Variants in CDIN1 observed in about 807,000 individuals in gnomAD.
CDIN1 encodes the protein CDAN1 interacting nuclease 1, also known as CDAN1-interacting nuclease 1.
Under a neutral mutation model 45.3 loss-of-function variants are expected in CDIN1, and 33 were observed. That is an observed-to-expected ratio of 0.73 (90% CI 0.55 to 0.97). CDIN1 has a LOEUF of 0.97. Among genes scored for constraint, CDIN1 ranks in the 50% least tolerant of loss-of-function variants. The pLI is 0.00. For synonymous variants in CDIN1, 118 were observed against 124.4 expected, an observed-to-expected ratio of 0.95 and a Z score of 0.34; for missense variants, 303 against 339.4, an observed-to-expected ratio of 0.89 and a Z score of 0.84.
At chr15:36,651,382 A>G (rs1204945365) in intron 3 of CDIN1, among the ~76,000 whole-genome samples, 1 of 152,184 alleles carries the variant, frequency 6.6e-6, no homozygotes, top group African/African-American at 2.4e-5. Context: ...GGATGCAGAG[A>G]AAGGTACCAT....
intron 5 of CDIN1, 68 bp from the exon 6 acceptor site, chr15:36,691,617 G>A (rs935952952): frequency 5.1e-6 from 5 of 981,302 alleles, no homozygotes; most frequent in Non-Finnish European, 7.8e-6. Flanking sequence ...GTAGATATAT[G>A]TCACTCCTCA....
At chr15:36,692,327 A>G (rs1408840785) in intron 7 of CDIN1, among the ~76,000 whole-genome samples, 152 bp downstream of exon 7, 2 of 152,168 alleles carry the variant, frequency 1.3e-5, no homozygotes, top group African/African-American at 2.4e-5. Flanking sequence ...GTCACTACAG[A>G]CCATTCTTTT....
At chr15:36,602,127 C>T (rs1409178984) in intron 1 of CDIN1, among the ~76,000 whole-genome samples, 1 of 152,148 alleles carries the variant, frequency 6.6e-6, no homozygotes, top group African/African-American at 2.4e-5. Flanking sequence ...ATGTGCTCAG[C>T]GTGAACGCTT....
intron 1 of CDIN1, among the ~76,000 whole-genome samples, chr15:36,605,172 G>A (rs181255190): frequency 8.7e-4 from 133 of 152,072 alleles, no homozygotes; most frequent in African/African-American, 2.2e-3. Context: ...TACTATAGCC[G>A]TGAAATCACT....
chr15:36,664,560 T>C (rs945378181), intron 5 of CDIN1, among the ~76,000 whole-genome samples: 1 of 152,204 alleles, frequency 6.6e-6, no homozygotes, highest in Non-Finnish European at 1.5e-5. Flanking sequence ...CACACTTTTT[T>C]TTTTTGAGAC....
chr15:36,789,531 G>A (rs2054591882), intron 10 of CDIN1, among the ~76,000 whole-genome samples: 1 of 152,150 alleles, frequency 6.6e-6, no homozygotes, highest in Non-Finnish European at 1.5e-5. Context: ...TGGTCAACAG[G>A]TACAAAGTTA....
intron 10 of CDIN1, among the ~76,000 whole-genome samples, chr15:36,720,027 C>G (rs2043351067): frequency 6.6e-6 from 1 of 150,904 alleles, no homozygotes; most frequent in Non-Finnish European, 1.5e-5. Flanking sequence ...AGAGGTTTAT[C>G]CATTTTATTG....
At chr15:36,784,394 C>G (rs2054434698) in intron 10 of CDIN1, among the ~76,000 whole-genome samples, 1 of 152,156 alleles carries the variant, frequency 6.6e-6, no homozygotes, top group Non-Finnish European at 1.5e-5. Flanking sequence ...AAATTAGAGT[C>G]TAACAAGCAA....
intron 1 of CDIN1, chr15:36,618,687 T>C: frequency 1.2e-6 from 1 of 808,422 alleles, no homozygotes; most frequent in East Asian, 2.4e-5. Context: ...CAGAATGCAC[T>C]TCTGCCCAGC....
At chr15:36,613,498 G>A (rs545956133) in intron 1 of CDIN1, 39 of 1,549,080 alleles carry the variant, frequency 2.5e-5, no homozygotes, top group East Asian at 1.3e-4. Context: ...CCATCAAGGC[G>A]GTGAAGCGCA....
intron 10 of CDIN1, among the ~76,000 whole-genome samples, chr15:36,714,213 A>T (rs150647423): frequency 1.0e-3 from 159 of 152,304 alleles, no homozygotes; most frequent in African/African-American, 3.8e-3. Context: ...TATTTCATGA[A>T]ATAGAGCATA....
At chr15:36,739,968 C>T (rs1037585853) in intron 10 of CDIN1, among the ~76,000 whole-genome samples, 4 of 152,192 alleles carry the variant, frequency 2.6e-5, no homozygotes, top group African/African-American at 9.7e-5. Context: ...CAGGAATCCA[C>T]ATTGCTTAGC....
At chr15:36,693,269 A>G (rs150252881) in intron 7 of CDIN1, among the ~76,000 whole-genome samples, 268 of 152,346 alleles carry the variant, frequency 1.8e-3, no homozygotes, top group African/African-American at 6.2e-3. Context: ...AGTATTGAAG[A>G]TACAGCCCTT....
intron 5 of CDIN1, among the ~76,000 whole-genome samples, chr15:36,661,399 G>A (rs759654784): frequency 3.9e-5 from 6 of 151,974 alleles, no homozygotes; most frequent in Non-Finnish European, 7.4e-5. Context: ...ATAAGTAATA[G>A]GGAGACTCTG....
At chr15:36,778,080 T>G (rs2054264292) in intron 10 of CDIN1, among the ~76,000 whole-genome samples, 1 of 152,222 alleles carries the variant, frequency 6.6e-6, no homozygotes. Flanking sequence ...TGCTCAGGAA[T>G]GTAATCCTGA....
intron 1 of CDIN1, chr15:36,619,091 A>G: frequency 1.8e-6 from 2 of 1,094,426 alleles, no homozygotes; most frequent in Non-Finnish European, 2.7e-6. Context: ...AAACCAAATG[A>G]GAAGCCAGAA....
chr15:36,595,390 G>A (rs1873040287), intron 1 of CDIN1, among the ~76,000 whole-genome samples: 2 of 150,674 alleles, frequency 1.3e-5, no homozygotes, highest in East Asian at 1.9e-4. Flanking sequence ...ACTGTACCTA[G>A]AAGGAAAATT....
intron 10 of CDIN1, among the ~76,000 whole-genome samples, chr15:36,716,749 G>A (rs77438924): frequency 1.6e-4 from 25 of 152,256 alleles, no homozygotes; most frequent in African/African-American, 6.0e-4. Context: ...CTAGCTAGCC[G>A]TAGCATTCTT....
chr15:36,678,953 A>G (rs1245205279), intron 5 of CDIN1, among the ~76,000 whole-genome samples: 1 of 152,226 alleles, frequency 6.6e-6, no homozygotes, highest in East Asian at 1.9e-4. Flanking sequence ...TATTCTTGGG[A>G]AAGTCTTTAC....
Sources: gnomAD v4.1 joint callset for allele counts (sites outside exome capture counted in the v4.1 genomes callset) on GRCh38, gnomAD v4.1.1 for gene constraint, MANE v1.5 for transcripts, NCBI Gene and HGNC (gene_info 2026-07-23, HGNC 2026-07-21) for gene names.